Variants in SUPT20H observed in about 807,000 individuals in gnomAD.
SUPT20H encodes transcription factor SPT20 homolog.
A neutral mutation model predicts 122.8 loss-of-function variants in SUPT20H; 82 were observed. The observed-to-expected ratio is 0.67, with a 90% CI of 0.56 to 0.80. The LOEUF (loss-of-function observed/expected upper bound fraction) is 0.80, where lower values mean the gene tolerates loss of function less well. Among genes scored for constraint, SUPT20H ranks in the 30% least tolerant of loss-of-function variants. The pLI, the probability that SUPT20H is intolerant of heterozygous loss-of-function variation, is 0.00. For synonymous variants in SUPT20H, 291 were observed against 313.0 expected (o/e 0.93, Z 0.74); for missense variants, 831 against 921.6 (o/e 0.90, Z 1.27).
intron 9 of SUPT20H, 106 bp from the exon 10 acceptor site, chr13:37,033,694 T>A: frequency 8.3e-7 from 1 of 1,210,054 alleles, no homozygotes; most frequent in Non-Finnish European, 1.1e-6. Flanking sequence ...TGCTAAGGAC[T>A]ACAGTAAAAT....
chr13:37,059,636 G>C lies in SUPT20H; in HGVS notation c.-171C>G, dbSNP rs1246378641. 4 of 152,306 alleles carry C rather than the reference G, an allele frequency of 2.6e-5. No homozygotes were observed. The highest frequency in any genetic ancestry group is 9.6e-5 in the African/African-American group (4 of 41,478). 9.4% of individuals were successfully genotyped at this position (152,306 alleles called of 1,614,324 possible). A position where few individuals can be genotyped will look rare whatever the true frequency, so the allele number is the denominator to read the frequency against. On this transcript the variant is annotated 5_prime_UTR_variant, in exon 1 of 26. Transcript: ENST00000350612. ...GCAAAGCCCACCCGCCCCGTCGGCG[G>C]CTCAGTGCTGCACCCCCACCAACAG...
rs192657899 is a variant in SUPT20H, at chr13:37,058,835, G to A, written c.-94+724C>T. 4.1e-3 allele frequency among the ~76,000 whole-genome samples: 625 copies of A among 152,194 alleles called. 5 individuals are homozygous for A. The highest frequency in any genetic ancestry group is 0.015 in the African/African-American group (609 of 41,526). ...GCAATTAAAAAAAGGACCCAATTCT[G>A]CTCAGAGACGAATATGTATTTCTTA... On this transcript the variant is annotated intron_variant, in intron 1 of 25. Transcript: ENST00000350612.
chr13:37,015,967 A>G (rs1203237164), intron 23 of SUPT20H, among the ~76,000 whole-genome samples: 2 of 152,220 alleles, frequency 1.3e-5, no homozygotes, highest in Non-Finnish European at 2.9e-5. Flanking sequence ...AGGTATCTTG[A>G]ATAGTCAAAC....
intron 9 of SUPT20H, among the ~76,000 whole-genome samples, chr13:37,036,653 G>A (rs969801166): frequency 1.6e-4 from 24 of 152,072 alleles, no homozygotes; most frequent in African/African-American, 5.5e-4. Context: ...TACACTGAGT[G>A]TGCATGCCTC....
intron 7 of SUPT20H, 35 bp from the exon 8 acceptor site, chr13:37,040,727 T>C: frequency 6.4e-7 from 1 of 1,551,754 alleles, no homozygotes; most frequent in Non-Finnish European, 8.9e-7. Context: ...GTCATTTTTT[T>C]TTCCAAAAGC....
intron 21 of SUPT20H, among the ~76,000 whole-genome samples, chr13:37,020,324 T>C (rs959616561): frequency 6.6e-6 from 1 of 152,030 alleles, no homozygotes; most frequent in South Asian, 2.1e-4. Flanking sequence ...TTTAAGAAAA[T>C]GGCTTAACCC....
chr13:37,024,520 C>T, intron 17 of SUPT20H, 78 bp from the exon 18 acceptor site: 2 of 978,836 alleles, frequency 2.0e-6, no homozygotes, highest in African/African-American at 1.7e-5. Flanking sequence ...TATTTAACTT[C>T]ATAGTTTATT....
chr13:37,055,719 T>C (rs1435694631), intron 1 of SUPT20H, among the ~76,000 whole-genome samples: 4 of 152,228 alleles, frequency 2.6e-5, no homozygotes, highest in Admixed American at 2.6e-4. Flanking sequence ...AAGGACTTCA[T>C]GTCTAAAACA....
At chr13:37,059,093 A>AGCGTTGCTATCAATTCTAC (rs1321766940) in intron 1 of SUPT20H, 3 of 152,140 alleles carry the variant, frequency 2.0e-5, no homozygotes, top group African/African-American at 7.2e-5. Context: ...TCCAATTCTA[A>AGCGTTGCTATCAATTCTAC]GCGTTGCTAT....
chr13:37,057,827 A>T (rs1192163460), intron 1 of SUPT20H, among the ~76,000 whole-genome samples: 2 of 151,978 alleles, frequency 1.3e-5, no homozygotes, highest in African/African-American at 4.8e-5. Context: ...CACAAAAATC[A>T]GCCGGGTGTG....
intron 7 of SUPT20H, among the ~76,000 whole-genome samples, chr13:37,041,044 C>T (rs1332011331): frequency 6.6e-6 from 1 of 152,196 alleles, no homozygotes; most frequent in East Asian, 1.9e-4. Context: ...CTTACTGTTA[C>T]ATTTCACTAA....
Position 37,044,145 on chromosome 13 carries a change from T to G in SUPT20H, c.329A>C (p.Glu110Ala). 1 of 1,612,788 alleles carries G rather than the reference T, an allele frequency of 6.2e-7. No individual in the cohort carries two copies. The highest frequency in any genetic ancestry group is 8.5e-7 in the Non-Finnish European group (1 of 1,179,428). The part of the protein sequence containing the change: ...ETIRLPYEEG[E>A]LLEYLDAEEL... ...TTCTGCATCCAAATATTCAAGCAAC[T>G]CTCCTTCTTCATAGGGCAGTCGAAT... The change falls in exon 7 of 26, where the codon GAG (glutamate) becomes GCG (alanine). Residue 110 changes from glutamate (E) to alanine (A), a missense_variant. Transcript: ENST00000350612.
At chr13:37,028,611 T>C (rs2062742642) in intron 13 of SUPT20H, among the ~76,000 whole-genome samples, 1 of 152,126 alleles carries the variant, frequency 6.6e-6, no homozygotes, top group African/African-American at 2.4e-5. Context: ...GATATACATA[T>C]AATAACAATG....
chr13:37,028,125 T>C, intron 14 of SUPT20H, 23 bp downstream of exon 14: 1 of 1,532,922 alleles, frequency 6.5e-7, no homozygotes, highest in Non-Finnish European at 8.7e-7. Context: ...TTTTTCCAGT[T>C]ACTTGTATTT....
intron 1 of SUPT20H, among the ~76,000 whole-genome samples, chr13:37,057,422 A>G (rs1406960738): frequency 6.6e-6 from 1 of 152,104 alleles, no homozygotes; most frequent in Non-Finnish European, 1.5e-5. Context: ...ACACAGCTGA[A>G]CTAAAGCACA....
At chr13:37,025,186 C>T (rs1405839877) in intron 17 of SUPT20H, 134 bp downstream of exon 17, 1 of 749,296 alleles carries the variant, frequency 1.3e-6, no homozygotes, top group East Asian at 2.8e-5. Flanking sequence ...AGGTGATCCA[C>T]CCACCTTGGC....
At chr13:37,033,332 C>G in intron 10 of SUPT20H, 117 bp downstream of exon 10, 2 of 1,305,082 alleles carry the variant, frequency 1.5e-6, no homozygotes, top group South Asian at 1.5e-5. Context: ...GAGACCTCAT[C>G]TCTACCCTTC....
intron 6 of SUPT20H, among the ~76,000 whole-genome samples, chr13:37,044,764 T>C (rs1440097859): frequency 6.6e-6 from 1 of 152,184 alleles, no homozygotes; most frequent in Non-Finnish European, 1.5e-5. Context: ...AATAGAAATA[T>C]TTTAATATGT....
At chr13:37,055,648 T>C (rs1044688151) in intron 1 of SUPT20H, among the ~76,000 whole-genome samples, 17 of 152,268 alleles carry the variant, frequency 1.1e-4, no homozygotes, top group Non-Finnish European at 2.1e-4. Flanking sequence ...ATGTTAGACC[T>C]AAAACCATAA....
Sources: allele counts gnomAD v4.1 joint callset (sites outside exome capture counted in the v4.1 genomes callset), GRCh38; gene constraint gnomAD v4.1.1; transcripts MANE v1.5; gene names NCBI Gene and HGNC (gene_info 2026-07-23, HGNC 2026-07-21).